ZBTB18: variants seen among roughly 807,000 people sequenced by gnomAD.
ZBTB18 encodes zinc finger and BTB domain-containing protein 18.
In ZBTB18, 2 loss-of-function variants were observed where a neutral mutation model predicts 37.7. The observed-to-expected ratio is 0.05, with a 90% CI of 0.02 to 0.17. ZBTB18 has a LOEUF of 0.17. Among genes scored for constraint, ZBTB18 ranks in the 10% least tolerant of loss-of-function variants. The pLI is 1.00. For synonymous variants in ZBTB18, 304 were observed against 276.5 expected (o/e 1.10, Z -0.99); for missense variants, 408 against 686.3 (o/e 0.59, Z 4.53).
At position 244,054,890 on chromosome 1, in the gene ZBTB18, G is replaced by T. The variant is rs536822589; in HGVS notation, c.1116G>T (p.Leu372=). The T allele has an allele frequency of 6.2e-7, 1 of 1,614,134 alleles. No homozygotes were observed. Among genetic ancestry groups the T allele is most frequent in the Non-Finnish European group, 8.5e-7 (1 of 1,180,020 alleles). The part of the protein sequence containing the change: ...SSLLPYVSNI[L]SPAGQIFMCP... ...TGCTCCCCTACGTCTCCAACATCCTGAGCCCCGCGGGCCAGATCTTCATGT... is the reference window on the plus strand; with the variant it reads ...TGCTCCCCTACGTCTCCAACATCCTTAGCCCCGCGGGCCAGATCTTCATGT... Residue 372 remains leucine (L), a synonymous_variant, in exon 2 of 2, where the codon CTG becomes CTT. Transcript: ENST00000358704. This position sits in a 1 kb window ranked among gnomAD's most constrained non-coding sequence, Gnocchi z 9.0.
chr1:244,048,671 GCGCTCGCTCCCT>G (rs1193549473), upstream of ZBTB18, among the ~76,000 whole-genome samples: 1,052 of 123,344 alleles, frequency 8.5e-3, 8 homozygotes, highest in Non-Finnish European at 0.014. Context: ...CGGCGGCTCC[GCGCTCGCTCCCT>G]CGCTCGCTCC....
rs528071294 is a variant in ZBTB18 at position 244,053,537 on chromosome 1, T to G, written c.14-251T>G. On this transcript the variant is annotated intron_variant, in intron 1 of 1. Transcript: ENST00000358704. This position sits in a 1 kb window ranked among gnomAD's most constrained non-coding sequence, Gnocchi z 5.2. ...GTAGTTAAAGGAAGGCTTTTAGAAC[T>G]TGGGTTCAAGGAAGATGGAGATGCG... Among the ~76,000 whole-genome samples, 1 of 152,272 alleles carries G rather than the reference T, an allele frequency of 6.6e-6. No individual in the cohort carries two copies. Among genetic ancestry groups the G allele is most frequent in the South Asian group, 2.1e-4 (1 of 4,828 alleles).
rs1698384880 is a variant in ZBTB18 at position 244,053,078 on chromosome 1, T to C, written c.14-710T>C. Reference sequence around the variant, plus strand: ...TTGGATTTGTTCATAGTAAAGATGATCTTTTCCATCTGTTGGTGCAGCTCC... The same window carrying C: ...TTGGATTTGTTCATAGTAAAGATGACCTTTTCCATCTGTTGGTGCAGCTCC... On this transcript the variant is annotated intron_variant, in intron 1 of 1. Coordinates refer to ENST00000358704, the MANE Select transcript of ZBTB18 (RefSeq NM_205768.3). This position sits in a 1 kb window ranked among gnomAD's most constrained non-coding sequence, Gnocchi z 5.2. Among the ~76,000 whole-genome samples the C allele has an allele frequency of 6.6e-6, 1 of 152,244 alleles. No individual in the cohort carries two copies. The highest frequency in any genetic ancestry group is 1.5e-5 in the Non-Finnish European group (1 of 68,038).
At chr1:244,052,562 G>A (rs1389622) in intron 1 of ZBTB18, among the ~76,000 whole-genome samples, 28,734 of 152,118 alleles carry the variant, frequency 0.19, 3,076 homozygotes, top group South Asian at 0.26. Flanking sequence ...ACAGGAAAGG[G>A]GAAGTCGGGT....
chr1:244,048,628 G>GCCCCCCCCCCCCCCCCCCCC (rs1325001619), upstream of ZBTB18, among the ~76,000 whole-genome samples: 9 of 79,492 alleles, frequency 1.1e-4, no homozygotes, highest in Non-Finnish European at 1.8e-4. Flanking sequence ...CCCCGCGCCC[G>GCCCCCCCCCCCCCCCCCCCC]CCCCCCCCCC....
rs1225904778 is a variant in ZBTB18 at position 244,055,834 on chromosome 1, A to T, written c.*464A>T. ...CTGTTGGAAACCTGAATGCTTTTAG[A>T]CCCAAATGGAAAATTTCTGAAATGC... On this transcript the variant is annotated 3_prime_UTR_variant, in exon 2 of 2. Transcript: ENST00000358704. The surrounding 1 kb of genome is among the most constrained non-coding windows in gnomAD (Gnocchi z 7.0). The T allele has an allele frequency of 6.0e-6, 1 of 166,482 alleles. No individual in the cohort carries two copies. Among genetic ancestry groups the T allele is most frequent in the Non-Finnish European group, 1.5e-5 (1 of 67,978 alleles). The allele number at this position is 166,482 out of a possible 1,614,324, so 10.3% of individuals were successfully genotyped here. A position where few individuals can be genotyped will look rare whatever the true frequency, so the allele number is the denominator to read the frequency against.
At chr1:244,048,744 G>A (rs1470055840), upstream of ZBTB18, among the ~76,000 whole-genome samples, 3 of 146,844 alleles carry the variant, frequency 2.0e-5, no homozygotes, top group East Asian at 4.2e-4. Context: ...GCCATGGGGA[G>A]CCGTTGAGAG....
chr1:244,051,954 A>AG (rs1698364098), intron 1 of ZBTB18, among the ~76,000 whole-genome samples: 3 of 152,296 alleles, frequency 2.0e-5, no homozygotes, highest in South Asian at 4.1e-4. Context: ...TTTAAGAAGA[A>AG]GAAAAAAAAA....
chr1:244,049,472 G>A (rs1698305138), upstream of ZBTB18, among the ~76,000 whole-genome samples: 1 of 151,282 alleles, frequency 6.6e-6, no homozygotes, highest in African/African-American at 2.4e-5. Flanking sequence ...CGGCGGGGGA[G>A]GGGGCCCTCC....
Position 244,053,757 on chromosome 1 carries a change from A to G in ZBTB18, c.14-31A>G. The G allele has an allele frequency of 6.3e-7, 1 of 1,574,870 alleles. No homozygotes were observed. Among genetic ancestry groups the G allele is most frequent in the Non-Finnish European group, 8.6e-7 (1 of 1,160,262 alleles). On this transcript the variant is annotated intron_variant, in intron 1 of 1. Coordinates refer to ENST00000358704, the MANE Select transcript of ZBTB18 (RefSeq NM_205768.3). The surrounding 1 kb of genome is among the most constrained non-coding windows in gnomAD (Gnocchi z 5.2). ...GAGCGCTGAAAAGTTGTTCCTGACC[A>G]GGCTCTAATGAGAAATTCCTCTCTC...
At chr1:244,048,811 G>A (rs1438588982), upstream of ZBTB18, 1 of 149,140 alleles carries the variant, frequency 6.7e-6, no homozygotes, top group African/African-American at 2.4e-5. Context: ...TGGGCGGGAG[G>A]GAGGGGCGGG....
Position 244,055,172 on chromosome 1 carries a change from C to T in ZBTB18, c.1398C>T (p.Ala466=), listed in dbSNP as rs200560901. The T allele has an allele frequency of 7.2e-5, 117 of 1,614,070 alleles. No homozygotes were observed. The Middle Eastern group carries it at 1.6e-3, about 23-fold the overall frequency. The part of the protein sequence containing the change: ...FQYSHNLSRH[A]VVHTREKPHA... ...ACTCGCACAACCTGAGCCGCCATGC[C>T]GTGGTGCACACCCGCGAGAAGCCGC... Residue 466 remains alanine (A), a synonymous_variant, in exon 2 of 2, where the codon GCC becomes GCT. Transcript: ENST00000358704. The surrounding 1 kb of genome is among the most constrained non-coding windows in gnomAD (Gnocchi z 7.0).
chr1:244,050,555 G>T (rs1698328254), upstream of ZBTB18, among the ~76,000 whole-genome samples: 3 of 152,102 alleles, frequency 2.0e-5, no homozygotes, highest in African/African-American at 7.2e-5. Flanking sequence ...AGTGACTGGA[G>T]CAGGTTGTAT....
chr1:244,048,599 G>GCCCCCTCCCCTCCCCCT, upstream of ZBTB18, among the ~76,000 whole-genome samples: 1 of 120,504 alleles, frequency 8.3e-6, no homozygotes, highest in African/African-American at 3.0e-5. Flanking sequence ...GCGTCCTCCC[G>GCCCCCTCCCCTCCCCCT]CCCCCTCCCC....
In ZBTB18 at chr1:244,055,419, G is replaced by C. The variant is rs1698444359; in HGVS notation, c.*49G>C. The C allele has an allele frequency of 1.6e-6, 1 of 624,980 alleles. No homozygotes were observed. Among genetic ancestry groups the C allele is most frequent in the African/African-American group, 1.9e-5 (1 of 51,478 alleles). 38.7% of individuals were successfully genotyped at this position (624,980 alleles called of 1,614,324 possible). ...ATATATATATACATATATATAAATA[G>C]ATCTCTATATAGTTGTGGTACGGTC... On this transcript the variant is annotated 3_prime_UTR_variant, in exon 2 of 2. Coordinates refer to ENST00000358704, the MANE Select transcript of ZBTB18 (RefSeq NM_205768.3). The surrounding 1 kb of genome is among the most constrained non-coding windows in gnomAD (Gnocchi z 7.0).
rs35108413 is a variant in ZBTB18 at position 244,055,100 on chromosome 1, G to A, written c.1326G>A (p.Ser442=). The change falls in exon 2 of 2, where the codon TCG becomes TCA. Residue 442 remains serine (S), a synonymous_variant. Transcript: ENST00000358704. This position sits in a 1 kb window ranked among gnomAD's most constrained non-coding sequence, Gnocchi z 7.0. ...TCAAGCGCCACGAGAGGACTCACTC[G>A]GGGGAGAAGCCCTACACATGCACCC... ...YTLKRHERTH[S]GEKPYTCTQC... is the part of the protein sequence containing the mutation. 25,677 of 1,614,142 alleles carry A rather than the reference G, an allele frequency of 0.016. 458 individuals carry two copies. Among genetic ancestry groups the A allele is most frequent in the Middle Eastern group, 0.061 (368 of 6,060 alleles).
Position 244,053,836 on chromosome 1 carries a change from A to G in ZBTB18, c.62A>G (p.Gln21Arg). 1.2e-6 allele frequency: 2 copies of G among 1,614,202 alleles called. No homozygotes were observed. The highest frequency in any genetic ancestry group is 1.7e-6 in the Non-Finnish European group (2 of 1,180,032). Residue 21 changes from glutamine (Q) to arginine (R), a missense_variant, in exon 2 of 2, where the codon CAG becomes CGG. By Grantham distance (43) the Gln-to-Arg change is conservative (BLOSUM62 1). Transcript: ENST00000358704. This position sits in a 1 kb window ranked among gnomAD's most constrained non-coding sequence, Gnocchi z 5.2. The stretch of plus-strand genomic sequence containing the variant: ...CCAGACCATAGTAGACATTTGCTAC[A>G]GTGTCTGAGCGAGCAGAGACACCAG... ...EFPDHSRHLLQCLSEQRHQGF... is the reference protein window; with the variant it reads ...EFPDHSRHLLRCLSEQRHQGF...
At position 244,055,031 on chromosome 1, in the gene ZBTB18, C is replaced by G. The variant is rs769162714; in HGVS notation, c.1257C>G (p.Pro419=). 8.1e-6 allele frequency: 13 copies of G among 1,614,096 alleles called. No homozygotes were observed. The highest frequency in any genetic ancestry group is 1.3e-5 in the African/African-American group (1 of 74,942). The change falls in exon 2 of 2, where the codon CCC becomes CCG. Residue 419 remains proline (P), a synonymous_variant. Transcript: ENST00000358704. The surrounding 1 kb of genome is among the most constrained non-coding windows in gnomAD (Gnocchi z 7.0). ...AGCCCGCCGCCGATGTCAACGTGCC[C>G]ACGTGCTCGCTGTGTGGGAAGACTT... is the stretch of plus-strand genomic sequence containing the variant. ...RSKPAADVNV[P]TCSLCGKTFS...
chr1:244,048,823 G>A (rs1698287790), upstream of ZBTB18: 1 of 149,248 alleles, frequency 6.7e-6, no homozygotes, highest in African/African-American at 2.4e-5. Flanking sequence ...AGGGGCGGGG[G>A]GGAGCGGGCG....
Sources: gnomAD v4.1 joint callset for allele counts (sites outside exome capture counted in the v4.1 genomes callset) on GRCh38, gnomAD v4.1.1 for gene constraint, Gnocchi (gnomAD v3.1) non-coding constraint, MANE v1.5 for transcripts, NCBI Gene and HGNC (gene_info 2026-07-23, HGNC 2026-07-21) for gene names.